The following MYO5C variants were observed in gnomAD, a reference collection of about 807,000 sequenced individuals.
MYO5C encodes unconventional myosin-Vc.
In MYO5C, 194 loss-of-function variants were observed where a neutral mutation model predicts 235.7. That is an observed-to-expected ratio of 0.82 (90% CI 0.73 to 0.93). MYO5C has a LOEUF of 0.93. Among genes scored for constraint, MYO5C ranks in the 40% least tolerant of loss-of-function variants. The pLI is 0.00. For missense variants in MYO5C, 2,038 were observed against 2,127.2 expected (o/e 0.96, Z 0.82); for synonymous variants, 707 against 754.8 (o/e 0.94, Z 1.04).
intron 25 of MYO5C, among the ~76,000 whole-genome samples, chr15:52,228,484 C>A (rs1419278946): frequency 1.3e-5 from 2 of 152,200 alleles, no homozygotes; most frequent in African/African-American, 4.8e-5. Context: ...TTTAAAAATT[C>A]TATGTGATTT....
At chr15:52,250,490 C>T (rs1381928613) in intron 13 of MYO5C, among the ~76,000 whole-genome samples, 1 of 152,070 alleles carries the variant, frequency 6.6e-6, no homozygotes, top group Non-Finnish European at 1.5e-5. Flanking sequence ...GCGATCCACC[C>T]GCCTCAGCCT....
At chr15:52,201,919 T>TAAAAAAA (rs57001210) in intron 38 of MYO5C, among the ~76,000 whole-genome samples, 6 of 125,974 alleles carry the variant, frequency 4.8e-5, no homozygotes, top group Non-Finnish European at 8.5e-5. Context: ...GGGATAATAC[T>TAAAAAAA]AAAAAAAAAA....
chr15:52,270,605 C>T (rs1200826821), intron 7 of MYO5C, among the ~76,000 whole-genome samples: 1 of 150,492 alleles, frequency 6.6e-6, no homozygotes, highest in Non-Finnish European at 1.5e-5. Flanking sequence ...TATACACACA[C>T]ATTTATATAT....
chr15:52,225,429 T>A lies in MYO5C; in HGVS notation c.3301+10A>T, dbSNP rs766471497. ...GCACCCATGGACTAAGAGACTCATATTTTTATTACCTCTCATTTCCCGTTT... is the reference window on the plus strand; with the variant it reads ...GCACCCATGGACTAAGAGACTCATAATTTTATTACCTCTCATTTCCCGTTT... On this transcript the variant is annotated intron_variant, in intron 26 of 40. Transcript: ENST00000261839. 6.3e-7 allele frequency: 1 copy of A among 1,598,924 alleles called. No individual in the cohort carries two copies. Among genetic ancestry groups the A allele is most frequent in the Non-Finnish European group, 8.6e-7 (1 of 1,166,316 alleles).
In MYO5C at chr15:52,279,538, G is replaced by A; in HGVS notation, c.275C>T (p.Ala92Val). The change falls in exon 3 of 41, where the codon GCA (alanine) becomes GTA (valine). Residue 92 changes from alanine (A) to valine (V), a missense_variant. Physicochemically the swap from Ala to Val is moderately conservative, Grantham distance 64. Coordinates refer to ENST00000261839, the MANE Select transcript of MYO5C (RefSeq NM_018728.4). ...AVLHNLRIRFAESKLIYTYSG... is the reference protein window; with the variant it reads ...AVLHNLRIRFVESKLIYTYSG... ...GTAGGTGTAAATGAGTTTGGATTCT[G>A]CAAAGCGGATTCTGAGGTTGTGGAG... The A allele has an allele frequency of 6.2e-7, 1 of 1,613,888 alleles. No individual in the cohort carries two copies. Among genetic ancestry groups the A allele is most frequent in the Non-Finnish European group, 8.5e-7 (1 of 1,179,776 alleles).
rs377628291 is a variant in MYO5C at position 52,225,551 on chromosome 15, G to A, written c.3208-19C>T. 70 of 1,560,922 alleles carry A rather than the reference G, an allele frequency of 4.5e-5. No individual in the cohort carries two copies. Among genetic ancestry groups the A allele is most frequent in the East Asian group, 1.3e-4 (6 of 44,530 alleles). ...AGATTGTCTGAATCACAGCAATGAC[G>A]GAATCAGGTAAAGAAAAAACAACGA... On this transcript the variant is annotated intron_variant, in intron 25 of 40. Transcript: ENST00000261839.
At chr15:52,277,436 C>G (rs985410817) in intron 4 of MYO5C, among the ~76,000 whole-genome samples, 1 of 152,072 alleles carries the variant, frequency 6.6e-6, no homozygotes, top group Non-Finnish European at 1.5e-5. Context: ...TAGAAGGAAT[C>G]TTGGTGCAGC....
At chr15:52,265,000 AGTTC>A (rs1451467109) in intron 8 of MYO5C, among the ~76,000 whole-genome samples, 19 of 152,174 alleles carry the variant, frequency 1.2e-4, no homozygotes, top group African/African-American at 4.6e-4. Flanking sequence ...AGCAGTGAAC[AGTTC>A]TGCTGCTGCC....
intron 8 of MYO5C, 47 bp downstream of exon 8, chr15:52,269,706 T>G: frequency 7.2e-7 from 1 of 1,381,192 alleles, no homozygotes; most frequent in Non-Finnish European, 1.0e-6. Context: ...TTTTTTTTTT[T>G]TTTAAGAGAA....
rs2036378202 is a variant in MYO5C, at chr15:52,247,576, T to C, written c.1763A>G (p.Asn588Ser). The C allele has an allele frequency of 6.2e-7, 1 of 1,613,990 alleles. No homozygotes were observed. Among genetic ancestry groups the C allele is most frequent in the Non-Finnish European group, 8.5e-7 (1 of 1,180,004 alleles). ...AGGAGTTGGATTTTCTTGAAAAAAG[T>C]TGGCACAGAGATGAAACTGGAAGGA... is the stretch of plus-strand genomic sequence containing the variant. ...LRASKFHLCA[N>S]FFQENPTPPS... The change falls in exon 15 of 41, where the codon AAC becomes AGC. Residue 588 changes from asparagine to serine, a missense_variant. Transcript: ENST00000261839.
At chr15:52,286,427 C>A (rs1295232306) in intron 1 of MYO5C, among the ~76,000 whole-genome samples, 7 of 152,308 alleles carry the variant, frequency 4.6e-5, no homozygotes, top group Admixed American at 2.0e-4. Flanking sequence ...GCCACCACCC[C>A]GTCTGGGAGG....
At chr15:52,195,044 T>C (rs2141252203) in intron 40 of MYO5C, among the ~76,000 whole-genome samples, 1 of 152,290 alleles carries the variant, frequency 6.6e-6, no homozygotes, top group African/African-American at 2.4e-5. Flanking sequence ...AAAATGGTTA[T>C]ACAAATGATT....
At chr15:52,287,931 T>G (rs1361583483) in intron 1 of MYO5C, among the ~76,000 whole-genome samples, 2 of 152,022 alleles carry the variant, frequency 1.3e-5, no homozygotes, top group Non-Finnish European at 2.9e-5. Flanking sequence ...AGGCAAGATC[T>G]TGCCATTGCA....
intron 1 of MYO5C, among the ~76,000 whole-genome samples, chr15:52,287,972 G>A (rs1459658821): frequency 4.0e-5 from 6 of 148,938 alleles, no homozygotes; most frequent in Admixed American, 6.7e-5. Flanking sequence ...GTGAAACTCC[G>A]TCTCAAAAAA....
intron 1 of MYO5C, among the ~76,000 whole-genome samples, chr15:52,291,745 T>TG (rs1345091613): frequency 9.6e-6 from 1 of 103,714 alleles, no homozygotes; most frequent in African/African-American, 3.6e-5. Context: ...TTTTTTTTTT[T>TG]TTTTTTTTTT....
At chr15:52,269,238 G>GA (rs1377253838) in intron 8 of MYO5C, among the ~76,000 whole-genome samples, 2 of 152,016 alleles carry the variant, frequency 1.3e-5, no homozygotes, top group African/African-American at 4.8e-5. Flanking sequence ...GAAGGCTGAG[G>GA]AAAAAAACAA....
At chr15:52,247,737 C>A in intron 14 of MYO5C, 145 bp from the exon 15 acceptor site, 4 of 835,888 alleles carry the variant, frequency 4.8e-6, no homozygotes, top group Non-Finnish European at 7.3e-6. Flanking sequence ...AATCTCAATT[C>A]CACAAGACGA....
At chr15:52,256,011 C>T (rs2036570048) in intron 11 of MYO5C, among the ~76,000 whole-genome samples, 2 of 152,202 alleles carry the variant, frequency 1.3e-5, no homozygotes, top group Non-Finnish European at 2.9e-5. Context: ...TTCCCATAAT[C>T]CATTGGCCAT....
chr15:52,260,789 C>T (rs1196426806), intron 10 of MYO5C, 73 bp downstream of exon 10: 5 of 1,515,952 alleles, frequency 3.3e-6, no homozygotes, highest in Middle Eastern at 1.7e-4. Flanking sequence ...AGAACCAGAA[C>T]AAAATGATCT....
Sources: allele counts gnomAD v4.1 joint callset (sites outside exome capture counted in the v4.1 genomes callset), GRCh38; gene constraint gnomAD v4.1.1; transcripts MANE v1.5; gene names NCBI Gene and HGNC (gene_info 2026-07-23, HGNC 2026-07-21).